Variants in DLG2 observed in about 807,000 individuals in gnomAD.
DLG2 encodes the protein discs large MAGUK scaffold protein 2, also known as disks large homolog 2.
DLG2 carries 45 observed loss-of-function variants against 132.5 expected under a neutral mutation model. The ratio of observed to expected loss-of-function variants is 0.34; its 90% CI spans 0.27 to 0.44. The LOEUF (loss-of-function observed/expected upper bound fraction) is 0.44, where lower values mean the gene tolerates loss of function less well. Among genes scored for constraint, DLG2 ranks in the 20% least tolerant of loss-of-function variants. The probability of loss-of-function intolerance (pLI) is 1.00; values close to 1 mark genes in which losing one functional copy is unlikely to be tolerated. For synonymous variants in DLG2, 424 were observed against 419.6 expected (o/e 1.01, Z -0.13); for missense variants, 1,045 against 1,196.9 (o/e 0.87, Z 1.87).
At chr11:83,981,021 A>G (rs1169478462) in intron 11 of DLG2, among the ~76,000 whole-genome samples, 2 of 152,176 alleles carry the variant, frequency 1.3e-5, no homozygotes, top group Non-Finnish European at 2.9e-5. Flanking sequence ...TGTTGACTCT[A>G]TGGGCTCATT....
chr11:84,972,129 CA>C (rs1294362032), intron 6 of DLG2, among the ~76,000 whole-genome samples: 2 of 152,070 alleles, frequency 1.3e-5, no homozygotes, highest in African/African-American at 4.8e-5. Flanking sequence ...ACCCTCTAAT[CA>C]ATCATTTTCT....
intron 3 of DLG2, among the ~76,000 whole-genome samples, chr11:85,491,980 T>C (rs2093570252): frequency 6.7e-6 from 1 of 149,354 alleles, no homozygotes; most frequent in Non-Finnish European, 1.5e-5. Context: ...TCACACAACC[T>C]GACTTTGAAA....
chr11:85,103,251 A>G (rs2071160596), intron 6 of DLG2, among the ~76,000 whole-genome samples: 1 of 151,962 alleles, frequency 6.6e-6, no homozygotes, highest in Admixed American at 6.6e-5. Context: ...AGAAATTCAT[A>G]AGCTAATCCT....
At chr11:84,666,273 C>G (rs578229437) in intron 6 of DLG2, among the ~76,000 whole-genome samples, 1 of 152,250 alleles carries the variant, frequency 6.6e-6, no homozygotes. Flanking sequence ...GAACAAACAA[C>G]TGACTCTTCT....
At chr11:85,516,798 G>A (rs1344786018) in intron 3 of DLG2, among the ~76,000 whole-genome samples, 1 of 151,662 alleles carries the variant, frequency 6.6e-6, no homozygotes, top group Non-Finnish European at 1.5e-5. Flanking sequence ...CCCAATAAAG[G>A]AAAACCCAGG....
At chr11:84,714,354 C>T (rs2060781813) in intron 6 of DLG2, among the ~76,000 whole-genome samples, 1 of 151,966 alleles carries the variant, frequency 6.6e-6, no homozygotes, top group Non-Finnish European at 1.5e-5. Flanking sequence ...AATGGGCAAA[C>T]AAAACTACTT....
At chr11:84,170,503 G>A (rs1168306487) in intron 8 of DLG2, among the ~76,000 whole-genome samples, 1 of 152,182 alleles carries the variant, frequency 6.6e-6, no homozygotes, top group East Asian at 1.9e-4. Context: ...ATAGACTGCA[G>A]CAGCTGCAGA....
At chr11:85,199,659 T>C (rs535845545) in intron 4 of DLG2, among the ~76,000 whole-genome samples, 1 of 152,340 alleles carries the variant, frequency 6.6e-6, no homozygotes, top group East Asian at 1.9e-4. Context: ...TTGACCTCTC[T>C]TTGGAAAGTA....
At chr11:85,570,231 C>G (rs2077770448) in intron 3 of DLG2, among the ~76,000 whole-genome samples, 1 of 152,064 alleles carries the variant, frequency 6.6e-6, no homozygotes, top group Non-Finnish European at 1.5e-5. Context: ...ATGTGGTTAT[C>G]TGATATTATA....
At chr11:83,899,942 T>C (rs971546283) in intron 15 of DLG2, among the ~76,000 whole-genome samples, 3 of 152,190 alleles carry the variant, frequency 2.0e-5, no homozygotes, top group Non-Finnish European at 4.4e-5. Context: ...ACTGGTTGAA[T>C]GGCTTTGACA....
At chr11:85,500,627 AACAG>A (rs2093779831) in intron 3 of DLG2, among the ~76,000 whole-genome samples, 1 of 152,188 alleles carries the variant, frequency 6.6e-6, no homozygotes, top group South Asian at 2.1e-4. Flanking sequence ...CTACACCAAT[AACAG>A]ACAAACAGCC....
chr11:84,770,266 C>T (rs2069090135), intron 6 of DLG2, among the ~76,000 whole-genome samples: 1 of 152,182 alleles, frequency 6.6e-6, no homozygotes, highest in South Asian at 2.1e-4. Context: ...TGTCATGCTT[C>T]CTATACATCC....
At chr11:83,524,936 A>G (rs773582122) in intron 21 of DLG2, among the ~76,000 whole-genome samples, 9 of 152,210 alleles carry the variant, frequency 5.9e-5, no homozygotes, top group Non-Finnish European at 1.3e-4. Flanking sequence ...TTTTTCAGTT[A>G]TAAATTATAA....
intron 6 of DLG2, among the ~76,000 whole-genome samples, chr11:85,035,451 A>G (rs1281563517): frequency 6.6e-6 from 1 of 152,156 alleles, no homozygotes; most frequent in Non-Finnish European, 1.5e-5. Context: ...GTGAAGGGAA[A>G]GCAAGGCACG....
At chr11:85,489,062 A>G (rs556160315) in intron 3 of DLG2, among the ~76,000 whole-genome samples, 127 of 152,300 alleles carry the variant, frequency 8.3e-4, no homozygotes, top group Non-Finnish European at 1.6e-3. Flanking sequence ...TGACAAAGAA[A>G]AGCTCATATA....
chr11:84,898,811 T>A (rs757854174), intron 6 of DLG2, among the ~76,000 whole-genome samples: 1 of 152,022 alleles, frequency 6.6e-6, no homozygotes, highest in Admixed American at 6.6e-5. Flanking sequence ...ACTTCCTTCC[T>A]CTGTATGTTC....
chr11:84,877,108 T>A (rs2154050768), intron 6 of DLG2, among the ~76,000 whole-genome samples: 1 of 152,286 alleles, frequency 6.6e-6, no homozygotes, highest in African/African-American at 2.4e-5. Context: ...CTTCCAATTA[T>A]GTGGTCAATT....
intron 6 of DLG2, among the ~76,000 whole-genome samples, chr11:85,003,737 T>G (rs1346114988): frequency 6.6e-6 from 1 of 152,154 alleles, no homozygotes; most frequent in Non-Finnish European, 1.5e-5. Flanking sequence ...TTTTTTTCAT[T>G]ATACTTTAAG....
chr11:85,487,730 G>A (rs1199075744), intron 3 of DLG2, among the ~76,000 whole-genome samples: 1 of 152,092 alleles, frequency 6.6e-6, no homozygotes, highest in African/African-American at 2.4e-5. Flanking sequence ...GGTGAAGAGA[G>A]ATCAAAAGAC....
Sources: gnomAD v4.1 joint callset for allele counts (sites outside exome capture counted in the v4.1 genomes callset) on GRCh38, gnomAD v4.1.1 for gene constraint, MANE v1.5 for transcripts, NCBI Gene and HGNC (gene_info 2026-07-23, HGNC 2026-07-21) for gene names.